Variants in SLC22A24 observed in about 807,000 individuals in gnomAD.
The protein encoded by SLC22A24 is solute carrier family 22 member 24.
SLC22A24 carries 53 observed loss-of-function variants against 49.8 expected under a neutral mutation model. That is an observed-to-expected ratio of 1.06 (90% CI 0.85 to 1.34). The LOEUF is 1.34. Among genes scored for constraint, SLC22A24 ranks in the 40% most tolerant of loss-of-function variants. The probability of loss-of-function intolerance (pLI) is 0.00; values close to 1 mark genes in which losing one functional copy is unlikely to be tolerated. For missense variants in SLC22A24, 786 were observed against 675.9 expected (o/e 1.16, Z -1.81); for synonymous variants, 302 against 256.4 (o/e 1.18, Z -1.70).
At chr11:63,137,632 T>C (rs920941551) in intron 1 of SLC22A24, among the ~76,000 whole-genome samples, 5 of 152,182 alleles carry the variant, frequency 3.3e-5, no homozygotes, top group African/African-American at 1.2e-4. Context: ...CTAATGTCTG[T>C]TTTGTATGTG....
intron 4 of SLC22A24, among the ~76,000 whole-genome samples, chr11:63,110,440 G>A (rs566062901): frequency 6.6e-6 from 1 of 150,644 alleles, no homozygotes; most frequent in Non-Finnish European, 1.5e-5. Flanking sequence ...ATCTTGGGCA[G>A]TATGGCCATT....
At chr11:63,092,204 G>A (rs1210332007) in intron 6 of SLC22A24, among the ~76,000 whole-genome samples, 2 of 151,586 alleles carry the variant, frequency 1.3e-5, no homozygotes, top group African/African-American at 2.4e-5. Context: ...AGGGACATGA[G>A]GGACTTCTTC....
intron 6 of SLC22A24, among the ~76,000 whole-genome samples, chr11:63,090,022 A>C (rs1482361818): frequency 7.2e-6 from 1 of 138,490 alleles, no homozygotes; most frequent in East Asian, 2.3e-4. Context: ...CAGAGCTTGC[A>C]GAGAGCTGAG....
At position 63,143,548 on chromosome 11, in the gene SLC22A24, G is replaced by A. The variant is rs765140323; in HGVS notation, c.232C>T (p.Pro78Ser). Reference sequence around the variant, plus strand: ...TGTGGCCTCAGGTTTGAGTCCAGTGGGATGGAGATTCTCAGGAGGTCATCC... The same window carrying A: ...TGTGGCCTCAGGTTTGAGTCCAGTGAGATGGAGATTCTCAGGAGGTCATCC... Reference protein sequence around the residue: ...SKDDLLRISIPLDSNLRPQKC... With the variant: ...SKDDLLRISISLDSNLRPQKC... The change falls in exon 1 of 10, where the codon CCA becomes TCA. Residue 78 changes from proline to serine, a missense_variant. Coordinates refer to ENST00000612278, the MANE Select transcript of SLC22A24 (RefSeq NM_001136506.2). 1 of 1,583,954 alleles carries A rather than the reference G, an allele frequency of 6.3e-7. No individual in the cohort carries two copies. Among genetic ancestry groups the A allele is most frequent in the Non-Finnish European group, 8.6e-7 (1 of 1,166,866 alleles).
At chr11:63,141,072 G>C (rs765959771) in intron 1 of SLC22A24, among the ~76,000 whole-genome samples, 96 of 152,284 alleles carry the variant, frequency 6.3e-4, no homozygotes, top group Non-Finnish European at 1.2e-3. Flanking sequence ...AAATAACAGG[G>C]TTTTCTTAGA....
rs1169608469 is a variant in SLC22A24 at position 63,143,645 on chromosome 11, A to G, written c.135T>C (p.Pro45=). Residue 45 remains proline, a synonymous_variant, in exon 1 of 10, where the codon CCT becomes CCC. Coordinates refer to ENST00000612278, the MANE Select transcript of SLC22A24 (RefSeq NM_001136506.2). ...IVLENFTAFT[P]SHRCWVPLLD... Reference sequence around the variant, plus strand: ...GGAGGGGGACCCAGCAGCGATGACTAGGGGTGAATGCAGTGAAGTTCTCCA... The same window carrying G: ...GGAGGGGGACCCAGCAGCGATGACTGGGGGTGAATGCAGTGAAGTTCTCCA... The G allele has an allele frequency of 1.2e-6, 2 of 1,600,170 alleles. No homozygotes were observed. Among genetic ancestry groups the G allele is most frequent in the Non-Finnish European group, 8.5e-7 (1 of 1,173,668 alleles).
intron 5 of SLC22A24, among the ~76,000 whole-genome samples, chr11:63,100,338 C>G (rs142556937): frequency 6.6e-6 from 1 of 151,500 alleles, no homozygotes; most frequent in East Asian, 1.9e-4. Context: ...AAATAAAATA[C>G]CTAGGAATAA....
At chr11:63,095,873 G>T (rs937463227) in intron 6 of SLC22A24, 118 bp downstream of exon 6, 1 of 738,350 alleles carries the variant, frequency 1.4e-6, no homozygotes, top group South Asian at 1.9e-5. Flanking sequence ...ATTTGTATGT[G>T]ATTTTCTCTT....
chr11:63,089,318 A>C lies in SLC22A24; in HGVS notation c.1071-5861T>G, dbSNP rs1266734592. Among the ~76,000 whole-genome samples the C allele has an allele frequency of 2.6e-5, 4 of 152,312 alleles. No individual in the cohort carries two copies. The East Asian group carries it at 7.7e-4, about 29-fold the overall frequency. On this transcript the variant is annotated intron_variant, in intron 6 of 9. Transcript: ENST00000612278. ...AACCCAGAATTTGATATCCAACCAA[A>C]TTAAGTTTCATGTGAAGGAAAAACA... is the stretch of plus-strand genomic sequence containing the variant.
At chr11:63,095,938 A>G (rs1283125983) in intron 6 of SLC22A24, 53 bp downstream of exon 6, 11 of 1,263,050 alleles carry the variant, frequency 8.7e-6, no homozygotes, top group Non-Finnish European at 1.1e-5. Flanking sequence ...GAAAGAAGAA[A>G]CAGTTTTGTG....
At position 63,118,999 on chromosome 11, in the gene SLC22A24, A is replaced by G. The variant is rs1228641421; in HGVS notation, c.743T>C (p.Leu248Pro). ...CTGAATGGCAAAAGCCAGCCCTCCT[A>G]GGAGCATCTGCCCAACACTGTAGGA... ...LCSYSVGQML[L>P]GGLAFAIQDW... Residue 248 changes from leucine (L) to proline (P), a missense_variant, in exon 4 of 10, where the codon CTA becomes CCA. Transcript: ENST00000612278. The G allele has an allele frequency of 2.6e-6, 4 of 1,551,646 alleles. No homozygotes were observed. In the African/African-American group the frequency reaches 4.1e-5, roughly 16 times the overall value.
intron 5 of SLC22A24, 51 bp from the exon 6 acceptor site, chr11:63,096,157 C>CAT: frequency 8.4e-7 from 1 of 1,195,474 alleles, no homozygotes; most frequent in Non-Finnish European, 1.2e-6. Context: ...AATAATGTGT[C>CAT]AGGCATAGTG....
chr11:63,142,214 TC>T (rs1343776580), intron 1 of SLC22A24, among the ~76,000 whole-genome samples: 2 of 152,178 alleles, frequency 1.3e-5, no homozygotes, highest in Non-Finnish European at 2.9e-5. Context: ...GTTCCACTCT[TC>T]TCACCTTGGG....
At chr11:63,116,266 A>G in intron 4 of SLC22A24, 1 of 284,362 alleles carries the variant, frequency 3.5e-6, no homozygotes, top group South Asian at 8.6e-5. Flanking sequence ...CTTTGTGATC[A>G]GGGTTTCTTG....
intron 4 of SLC22A24, among the ~76,000 whole-genome samples, chr11:63,110,297 G>T (rs1249690987): frequency 1.3e-5 from 2 of 152,152 alleles, no homozygotes; most frequent in African/African-American, 4.8e-5. Context: ...CTCTGGCTTT[G>T]TTCTTTTGGC....
chr11:63,134,616 G>T, intron 2 of SLC22A24, 49 bp downstream of exon 2: 1 of 1,056,694 alleles, frequency 9.5e-7, no homozygotes, highest in Non-Finnish European at 1.4e-6. Flanking sequence ...ATAAAGGAAT[G>T]AATATATCAT....
Position 63,083,307 on chromosome 11 carries a change from T to A in SLC22A24, c.1221A>T (p.Ile407=), listed in dbSNP as rs1395792235. The change falls in exon 7 of 10, where the codon ATA becomes ATT. Residue 407 remains isoleucine, a synonymous_variant. Coordinates refer to ENST00000612278, the MANE Select transcript of SLC22A24 (RefSeq NM_001136506.2). ...CCGGGAACGTGAACAATATCTGGCT[T>A]ATTCGACGACCCATATGATTCAGTG... ...LLTLNHMGRR[I]SQILFTFPVG... The A allele has an allele frequency of 6.4e-7, 1 of 1,560,864 alleles. No homozygotes were observed. Among genetic ancestry groups the A allele is most frequent in the Non-Finnish European group, 8.7e-7 (1 of 1,151,346 alleles).
chr11:63,123,325 T>A (rs1267618544), intron 2 of SLC22A24, among the ~76,000 whole-genome samples: 1 of 152,204 alleles, frequency 6.6e-6, no homozygotes, highest in African/African-American at 2.4e-5. Context: ...GTCACAGTGA[T>A]GTAAAATGGT....
At chr11:63,107,565 C>T (rs1371068744) in intron 4 of SLC22A24, among the ~76,000 whole-genome samples, 1 of 152,170 alleles carries the variant, frequency 6.6e-6, no homozygotes, top group Non-Finnish European at 1.5e-5. Flanking sequence ...TGTCCATGAG[C>T]ATGGAATGTT....
Sources: gnomAD v4.1 joint callset for allele counts (sites outside exome capture counted in the v4.1 genomes callset) on GRCh38, gnomAD v4.1.1 for gene constraint, MANE v1.5 for transcripts, NCBI Gene and HGNC (gene_info 2026-07-23, HGNC 2026-07-21) for gene names.